The following RAPGEF2 variants were observed in gnomAD, a reference collection of about 807,000 sequenced individuals.
The protein encoded by RAPGEF2 is PDZ domain containing guanine nucleotide exchange factor (GEF) 1.
A neutral mutation model predicts 186.7 loss-of-function variants in RAPGEF2; 54 were observed. The ratio of observed to expected loss-of-function variants is 0.29; its 90% CI spans 0.23 to 0.36. The LOEUF (loss-of-function observed/expected upper bound fraction) is 0.36. Among genes scored for constraint, RAPGEF2 ranks in the 10% least tolerant of loss-of-function variants. The pLI is 1.00. For missense variants in RAPGEF2, 1,532 were observed against 2,045.0 expected, an observed-to-expected ratio of 0.75 and a Z score of 4.84; for synonymous variants, 712 against 705.9, an observed-to-expected ratio of 1.01 and a Z score of -0.14.
At chr4:159,342,114 C>T (rs1729547295) in intron 20 of RAPGEF2, among the ~76,000 whole-genome samples, 167 bp downstream of exon 20, 1 of 150,476 alleles carries the variant, frequency 6.6e-6, no homozygotes, top group African/African-American at 2.4e-5. Context: ...TTTAAAATCT[C>T]TCGTATCAAA....
intron 25 of RAPGEF2, among the ~76,000 whole-genome samples, chr4:159,349,075 G>C (rs1730808690): frequency 6.6e-6 from 1 of 152,248 alleles, no homozygotes; most frequent in Admixed American, 6.5e-5. Flanking sequence ...TTTTAAATCT[G>C]TGTATGATGC....
At chr4:159,227,307 A>C (rs1461961779) in intron 4 of RAPGEF2, among the ~76,000 whole-genome samples, 1 of 152,172 alleles carries the variant, frequency 6.6e-6, no homozygotes, top group East Asian at 1.9e-4. Context: ...GTTATTTCTT[A>C]ATGTAATTGT....
rs76460121 is a variant in RAPGEF2, at chr4:159,321,122, A to G, written c.854-1225A>G. ...GTAAGCATTTAAACATCTGATGTAC[A>G]TACACCCTGTGCTCTTTACCACTCC... On this transcript the variant is annotated intron_variant, in intron 9 of 29. Coordinates refer to ENST00000691494, the MANE Select transcript of RAPGEF2 (RefSeq NM_001394067.2). 9.1e-3 allele frequency among the ~76,000 whole-genome samples: 1,382 copies of G among 152,166 alleles called. 18 individuals carry two copies. Among genetic ancestry groups the G allele is most frequent in the African/African-American group, 0.031 (1,284 of 41,502 alleles).
intron 29 of RAPGEF2, among the ~76,000 whole-genome samples, chr4:159,356,497 T>TA (rs1732030981): frequency 6.6e-6 from 1 of 152,204 alleles, no homozygotes; most frequent in African/African-American, 2.4e-5. Context: ...CTAAATGGCT[T>TA]AAAAAATCCC....
chr4:159,169,293 G>C lies in RAPGEF2; in HGVS notation c.70-17349G>C, dbSNP rs183495746. 2.0e-5 allele frequency among the ~76,000 whole-genome samples: 3 copies of C among 152,244 alleles called. No individual in the cohort carries two copies. In the East Asian group the frequency reaches 5.8e-4, roughly 29 times the overall value. The stretch of plus-strand genomic sequence containing the variant: ...ACTCAATTACACGTCAAATTCTGCT[G>C]TTCTCTTGTTTTTAAAAGTTTATTT... On this transcript the variant is annotated intron_variant, in intron 1 of 29. Transcript: ENST00000691494.
At chr4:159,195,431 C>T (rs1263585295) in intron 3 of RAPGEF2, among the ~76,000 whole-genome samples, 2 of 152,080 alleles carry the variant, frequency 1.3e-5, no homozygotes, top group Non-Finnish European at 2.9e-5. Context: ...AGGTGATAGC[C>T]GACATTTAAC....
intron 7 of RAPGEF2, among the ~76,000 whole-genome samples, chr4:159,258,247 G>T (rs912005416): frequency 6.6e-6 from 1 of 152,160 alleles, no homozygotes; most frequent in Non-Finnish European, 1.5e-5. Context: ...GAGAAATTAG[G>T]TGTGTGTTTT....
At chr4:159,334,620 A>G (rs761545757) in intron 17 of RAPGEF2, among the ~76,000 whole-genome samples, 2 of 152,246 alleles carry the variant, frequency 1.3e-5, no homozygotes, top group African/African-American at 2.4e-5. Flanking sequence ...TGAGTTAAAT[A>G]AGAACCTTTA....
chr4:159,107,897 T>C (rs1738050846), intron 1 of RAPGEF2, among the ~76,000 whole-genome samples: 1 of 152,240 alleles, frequency 6.6e-6, no homozygotes, highest in African/African-American at 2.4e-5. Flanking sequence ...ATAAGCAGAC[T>C]CATATTTGTC....
intron 4 of RAPGEF2, among the ~76,000 whole-genome samples, chr4:159,236,154 C>T (rs958123413): frequency 6.6e-6 from 1 of 152,172 alleles, no homozygotes; most frequent in Non-Finnish European, 1.5e-5. Context: ...GGAGAGTCTG[C>T]AGTTTCTCCT....
At position 159,193,147 on chromosome 4, in the gene RAPGEF2, C is replaced by G. The variant is rs1038540778; in HGVS notation, c.141-53C>G. 4.6e-6 allele frequency: 5 copies of G among 1,092,854 alleles called. No homozygotes were observed. The African/African-American group carries it at 8.1e-5, about 18-fold the overall frequency. The allele number at this position is 1,092,854 out of a possible 1,614,324, so 67.7% of individuals were successfully genotyped here. Reference sequence around the variant, plus strand: ...TGTGTCATTTAAGGGTTTAAAATACCAGTCTGTTTTTTAGTGACAGATGTT... The same window carrying G: ...TGTGTCATTTAAGGGTTTAAAATACGAGTCTGTTTTTTAGTGACAGATGTT... On this transcript the variant is annotated intron_variant, in intron 2 of 29. Coordinates refer to ENST00000691494, the MANE Select transcript of RAPGEF2 (RefSeq NM_001394067.2).
At chr4:159,312,065 T>C (rs1051725490) in intron 8 of RAPGEF2, among the ~76,000 whole-genome samples, 4 of 152,264 alleles carry the variant, frequency 2.6e-5, no homozygotes, top group Middle Eastern at 6.8e-3. Flanking sequence ...TGAAAGTCTT[T>C]ATGTTCTGCT....
intron 1 of RAPGEF2, among the ~76,000 whole-genome samples, chr4:159,105,161 T>C (rs1737742069): frequency 6.6e-6 from 1 of 152,222 alleles, no homozygotes; most frequent in African/African-American, 2.4e-5. Flanking sequence ...TCTCCGCCTT[T>C]AGTTGCTGAC....
chr4:159,331,541 A>G lies in RAPGEF2; in HGVS notation c.1575+3A>G, dbSNP rs777931268. The G allele has an allele frequency of 3.4e-5, 54 of 1,611,046 alleles. No homozygotes were observed. Among genetic ancestry groups the G allele is most frequent in the Middle Eastern group, 1.6e-4 (1 of 6,078 alleles). ...TTGAAAACAATCTGGAAAGAGAGGT[A>G]ATATTTGTGGTTTTTTTTAAGATCA... On this transcript the variant is annotated splice_donor_region_variant and intron_variant, in intron 14 of 29. Coordinates refer to ENST00000691494, the MANE Select transcript of RAPGEF2 (RefSeq NM_001394067.2).
At chr4:159,268,372 T>A (rs1307790602) in intron 7 of RAPGEF2, among the ~76,000 whole-genome samples, 1 of 152,150 alleles carries the variant, frequency 6.6e-6, no homozygotes, top group Non-Finnish European at 1.5e-5. Flanking sequence ...AGCTGGCTTG[T>A]TCTTCCAATG....
rs370477370 is a variant in RAPGEF2 at position 159,240,331 on chromosome 4, C to CTTTTTTTTTTTTTTTTTTT, written c.358-869_358-851dup. The stretch of plus-strand genomic sequence containing the variant: ...CCCTGTTCATTCATCAGCATTTCTA[C>CTTTTTTTTTTTTTTTTTTT]TTTTTTTTTTTTTTTTTTTGGAGAC... On this transcript the variant is annotated intron_variant, in intron 5 of 29. Coordinates refer to ENST00000691494, the MANE Select transcript of RAPGEF2 (RefSeq NM_001394067.2). Among the ~76,000 whole-genome samples the CTTTTTTTTTTTTTTTTTTT allele has an allele frequency of 1.3e-4, 10 of 77,610 alleles. 2 individuals carry two copies. Among genetic ancestry groups the CTTTTTTTTTTTTTTTTTTT allele is most frequent in the African/African-American group, 4.8e-4 (9 of 18,598 alleles). The allele number at this position is 77,610 out of a possible 152,430, so 50.9% of individuals were successfully genotyped here.
intron 4 of RAPGEF2, among the ~76,000 whole-genome samples, chr4:159,237,733 T>C (rs1303283375): frequency 2.0e-5 from 3 of 150,172 alleles, no homozygotes; most frequent in Non-Finnish European, 4.4e-5. Flanking sequence ...AATATTAGGC[T>C]CACATCTGTA....
chr4:159,352,436 T>G, intron 26 of RAPGEF2: 2 of 422,896 alleles, frequency 4.7e-6, no homozygotes, highest in Non-Finnish European at 8.5e-6. Context: ...GTGGTGCCTT[T>G]TCTGCATCTT....
intron 9 of RAPGEF2, among the ~76,000 whole-genome samples, chr4:159,317,639 C>G (rs1165335051): frequency 1.3e-5 from 2 of 152,124 alleles, no homozygotes; most frequent in Non-Finnish European, 2.9e-5. Context: ...TTCTTGGGTC[C>G]AATACCACAT....
Sources: allele counts gnomAD v4.1 joint callset (sites outside exome capture counted in the v4.1 genomes callset), GRCh38; gene constraint gnomAD v4.1.1; transcripts MANE v1.5; gene names NCBI Gene and HGNC (gene_info 2026-07-23, HGNC 2026-07-21).